The following HK3 variants were observed in gnomAD, a reference collection of about 807,000 sequenced individuals.
HK3 encodes hexokinase 3.
In HK3, 93 loss-of-function variants were observed where a neutral mutation model predicts 91.0. That is an observed-to-expected ratio of 1.02 (90% CI 0.86 to 1.21). HK3 has a LOEUF of 1.21. Ranked by LOEUF, HK3 falls within the 50% of genes most tolerant of loss-of-function variation. The pLI, the probability that HK3 is intolerant of heterozygous loss-of-function variation, is 0.00. For synonymous variants in HK3, 519 were observed against 516.9 expected (o/e 1.00, Z -0.06); for missense variants, 1,235 against 1,247.4 (o/e 0.99, Z 0.15).
intron 2 of HK3, among the ~76,000 whole-genome samples, chr5:176,892,577 C>T (rs1053822065): frequency 6.6e-6 from 1 of 152,120 alleles, no homozygotes; most frequent in Non-Finnish European, 1.5e-5. Flanking sequence ...TTCAAAGAAG[C>T]CCCAACAGCC....
At chr5:176,891,644 C>T (rs1283810212) in intron 2 of HK3, 94 bp from the exon 3 acceptor site, 1 of 1,292,638 alleles carries the variant, frequency 7.7e-7, no homozygotes, top group East Asian at 2.4e-5. Context: ...CCTGCCCAGC[C>T]CACTCCTCGG....
intron 2 of HK3, among the ~76,000 whole-genome samples, chr5:176,892,267 T>C (rs1284118509): frequency 6.6e-6 from 1 of 151,918 alleles, no homozygotes; most frequent in Non-Finnish European, 1.5e-5. Flanking sequence ...AATTAGAGAG[T>C]GACCAGGGTA....
intron 7 of HK3, 39 bp downstream of exon 7, chr5:176,889,606 A>C (rs2149376131): frequency 6.2e-7 from 1 of 1,614,034 alleles, no homozygotes; most frequent in Non-Finnish European, 8.5e-7. Flanking sequence ...GCCAGGCAGC[A>C]CACCCTCCAC....
At position 176,889,422 on chromosome 5, in the gene HK3, G is replaced by A; in HGVS notation, c.873C>T (p.Asp291=). The change falls in exon 8 of 19, where the codon GAC becomes GAT. Residue 291 remains aspartate, a synonymous_variant. Transcript: ENST00000292432. ...GALGPVLTTF[D]HTLDHESLNP... ...TCAGGGACTCATGGTCCAGGGTATG[G>A]TCGAAGGTGGTCAGCACTGGTCCCA... 1 of 1,614,172 alleles carries A rather than the reference G, an allele frequency of 6.2e-7. No homozygotes were observed. Among genetic ancestry groups the A allele is most frequent in the Non-Finnish European group, 8.5e-7 (1 of 1,180,024 alleles).
At chr5:176,883,395 G>A (rs890972111) in intron 15 of HK3, among the ~76,000 whole-genome samples, 1 of 152,152 alleles carries the variant, frequency 6.6e-6, no homozygotes. Context: ...ATGATGCCTT[G>A]AGACAGGCAT....
At chr5:176,881,637 C>G (rs1231917666) in intron 17 of HK3, 55 bp downstream of exon 17, 7 of 1,606,836 alleles carry the variant, frequency 4.4e-6, no homozygotes, top group Non-Finnish European at 6.0e-6. Context: ...AGCAATCCCC[C>G]ACAGTGGACA....
At chr5:176,894,341 G>A (rs894181098) in intron 2 of HK3, among the ~76,000 whole-genome samples, 3 of 152,220 alleles carry the variant, frequency 2.0e-5, no homozygotes, top group Non-Finnish European at 4.4e-5. Context: ...TGGGGGTCCA[G>A]GACCATGGGA....
chr5:176,883,399 C>T (rs180787897), intron 15 of HK3, among the ~76,000 whole-genome samples: 15 of 152,302 alleles, frequency 9.8e-5, no homozygotes, highest in Non-Finnish European at 2.1e-4. Context: ...TGCCTTGAGA[C>T]AGGCATTGTT....
At chr5:176,883,033 G>A (rs1227172718) in intron 15 of HK3, among the ~76,000 whole-genome samples, 1 of 152,196 alleles carries the variant, frequency 6.6e-6, no homozygotes, top group African/African-American at 2.4e-5. Flanking sequence ...CTTTCTTTCA[G>A]GGCTTTCAAG....
chr5:176,886,736 C>A (rs988634335), intron 13 of HK3, among the ~76,000 whole-genome samples: 2 of 152,212 alleles, frequency 1.3e-5, no homozygotes, highest in Admixed American at 6.5e-5. Context: ...GCCCACACAC[C>A]AGTGCTATAG....
intron 2 of HK3, among the ~76,000 whole-genome samples, chr5:176,895,172 G>A (rs555601724): frequency 9.4e-5 from 14 of 148,808 alleles, no homozygotes; most frequent in Non-Finnish European, 1.9e-4. Context: ...TCTGCCTCCC[G>A]GGTTCGAGCG....
In HK3 at chr5:176,883,817, A is replaced by T; in HGVS notation, c.2006T>A (p.Met669Lys). 6.2e-7 allele frequency: 1 copy of T among 1,614,114 alleles called. No individual in the cohort carries two copies. Among genetic ancestry groups the T allele is most frequent in the Non-Finnish European group, 8.5e-7 (1 of 1,180,028 alleles). The change falls in exon 15 of 19, where the codon ATG becomes AAG. Residue 669 changes from methionine (M) to lysine (K), a missense_variant. Physicochemically the swap from Met to Lys is moderately conservative, Grantham distance 95. This residue lies in a region of HK3 where 513 missense variants were observed against 477.4 expected (regional missense o/e 1.07). Transcript: ENST00000292432. Reference protein sequence around the residue: ...AIVNDTVGTMMSCGYEDPRCE... With the variant: ...AIVNDTVGTMKSCGYEDPRCE... ...ACGGGGGTCCTCATAGCCACAGGACATCATGGTCCCCACCGTGTCATTGAC... is the reference window on the plus strand; with the variant it reads ...ACGGGGGTCCTCATAGCCACAGGACTTCATGGTCCCCACCGTGTCATTGAC...
chr5:176,883,696 T>C, intron 15 of HK3, 74 bp downstream of exon 15: 1 of 1,192,792 alleles, frequency 8.4e-7, no homozygotes, highest in South Asian at 1.3e-5. Flanking sequence ...CAAGGAAACA[T>C]CCAACCAGAG....
At chr5:176,897,264 T>A (rs571520483) in intron 1 of HK3, among the ~76,000 whole-genome samples, 1 of 152,308 alleles carries the variant, frequency 6.6e-6, no homozygotes, top group Admixed American at 6.5e-5. Flanking sequence ...TGTAAGGAAC[T>A]GTAGAAATGT....
Position 176,888,811 on chromosome 5 carries a change from A to AGCACCAGCC in HK3, c.959_967dup (p.Arg320_Val322dup). The AGCACCAGCC allele has an allele frequency of 6.2e-7, 1 of 1,614,200 alleles. No individual in the cohort carries two copies. The highest frequency in any genetic ancestry group is 8.5e-7 in the Non-Finnish European group (1 of 1,180,030). ...GACCCCACACCGGGCCAAGTGAGCC[A>AGCACCAGCC]GCACCAGCCGCACCAGCTCACCCAG... On this transcript the variant is annotated inframe_insertion, in exon 9 of 19. Coordinates refer to ENST00000292432, the MANE Select transcript of HK3 (RefSeq NM_002115.3).
In HK3 at chr5:176,881,369, T is replaced by A. The variant is rs1403143730; in HGVS notation, c.2560A>T (p.Asn854Tyr). ...ACTGCCAGCTCTTCCAGGCCCCGGT[T>A]CTCCCGGATCTTCTCCACCACGGCA... Reference protein sequence around the residue: ...VAAVVEKIRENRGLEELAVSV... With the variant: ...VAAVVEKIREYRGLEELAVSV... The change falls in exon 18 of 19, where the codon AAC becomes TAC. Residue 854 changes from asparagine (N) to tyrosine (Y), a missense_variant. Coordinates refer to ENST00000292432, the MANE Select transcript of HK3 (RefSeq NM_002115.3). 6.2e-7 allele frequency: 1 copy of A among 1,613,874 alleles called. No individual in the cohort carries two copies.
chr5:176,887,171 C>A lies in HK3; in HGVS notation c.1737+30G>T. ...TAGGCACTGCTCAGCCCTTCCCCAC[C>A]TCTGACATCAAGGTTCAGGCTGTGG... On this transcript the variant is annotated intron_variant, in intron 12 of 18. Transcript: ENST00000292432. The surrounding 1 kb of genome is among the most constrained non-coding windows in gnomAD (Gnocchi z 4.9). The A allele has an allele frequency of 1.2e-6, 2 of 1,614,226 alleles. No homozygotes were observed. Among genetic ancestry groups the A allele is most frequent in the Non-Finnish European group, 1.7e-6 (2 of 1,180,038 alleles).
At chr5:176,882,318 G>A (rs1168599150) in intron 15 of HK3, among the ~76,000 whole-genome samples, 191 bp from the exon 16 acceptor site, 3 of 152,080 alleles carry the variant, frequency 2.0e-5, no homozygotes, top group Non-Finnish European at 4.4e-5. Flanking sequence ...CCAAGCCCTG[G>A]GGACCTTCAC....
chr5:176,889,867 C>G (rs529139236), intron 6 of HK3, 123 bp from the exon 7 acceptor site: 1 of 732,220 alleles, frequency 1.4e-6, no homozygotes, highest in African/African-American at 1.7e-5. Context: ...AAACACATGT[C>G]TGCATGCCAC....
Sources: gnomAD v4.1 joint callset for allele counts (sites outside exome capture counted in the v4.1 genomes callset) on GRCh38, gnomAD v4.1.1 for gene constraint, gnomAD v4.1.1 regional missense constraint, Gnocchi (gnomAD v3.1) non-coding constraint, MANE v1.5 for transcripts, NCBI Gene and HGNC (gene_info 2026-07-23, HGNC 2026-07-21) for gene names.